Variants in SLC30A10 observed in about 807,000 individuals in gnomAD.
The protein encoded by SLC30A10 is calcium/manganese antiporter SLC30A10.
In SLC30A10, 8 loss-of-function variants were observed where a neutral mutation model predicts 21.7. That is an observed-to-expected ratio of 0.37 (90% CI 0.22 to 0.67). SLC30A10 has a LOEUF of 0.67. SLC30A10 is among the 30% of genes least tolerant of loss of function. The pLI, the probability that SLC30A10 is intolerant of heterozygous loss-of-function variation, is 0.58. For synonymous variants in SLC30A10, 272 were observed against 279.4 expected, an observed-to-expected ratio of 0.97 and a Z score of 0.26; for missense variants, 521 against 642.5, an observed-to-expected ratio of 0.81 and a Z score of 2.04.
Position 219,915,683 on chromosome 1 carries a change from G to A in SLC30A10, c.1224C>T (p.Gly408=), listed in dbSNP as rs1349393962. The change falls in exon 4 of 4, where the codon GGC becomes GGT. Residue 408 remains glycine, a synonymous_variant. Transcript: ENST00000366926. ...LLCNSPCISK[G]CAKQLCCPPG... ...GGGGACAACACAGCTGCTTAGCACA[G>A]CCCTTGGAGATGCAGGGTGAGTTGC... 5 of 1,614,140 alleles carry A rather than the reference G, an allele frequency of 3.1e-6. No individual in the cohort carries two copies. The highest frequency in any genetic ancestry group is 4.2e-6 in the Non-Finnish European group (5 of 1,180,062).
chr1:219,947,922 AC>A (rs918258604), intron 1 of SLC30A10, among the ~76,000 whole-genome samples: 96 of 152,210 alleles, frequency 6.3e-4, no homozygotes, highest in African/African-American at 2.2e-3. Context: ...GTTTCAGGAT[AC>A]AAAATCAATG....
intron 1 of SLC30A10, among the ~76,000 whole-genome samples, chr1:219,955,140 T>C (rs2102548571): frequency 6.6e-6 from 1 of 152,298 alleles, no homozygotes; most frequent in East Asian, 1.9e-4. Context: ...TCGTGACAAG[T>C]ATCTCCTGCG....
At chr1:219,944,890 G>A (rs565872404) in intron 1 of SLC30A10, among the ~76,000 whole-genome samples, 210 of 152,260 alleles carry the variant, frequency 1.4e-3, no homozygotes, top group African/African-American at 4.7e-3. Flanking sequence ...CAATAATTGC[G>A]TAAATGTAAA....
At chr1:219,956,762 T>C (rs556085377) in intron 1 of SLC30A10, among the ~76,000 whole-genome samples, 3 of 151,768 alleles carry the variant, frequency 2.0e-5, no homozygotes, top group African/African-American at 7.2e-5. Context: ...AACATACACA[T>C]TGGAAAATAC....
chr1:219,942,107 A>C (rs1256858995), intron 1 of SLC30A10, among the ~76,000 whole-genome samples: 1 of 152,274 alleles, frequency 6.6e-6, no homozygotes, highest in Non-Finnish European at 1.5e-5. Flanking sequence ...AAATTTTCCT[A>C]TAACTGTTCT....
chr1:219,913,057 C>T lies in SLC30A10; in HGVS notation c.*2392G>A, dbSNP rs1571786581. Among the ~76,000 whole-genome samples the T allele has an allele frequency of 6.6e-6, 1 of 152,200 alleles. No individual in the cohort carries two copies. Among genetic ancestry groups the T allele is most frequent in the Non-Finnish European group, 1.5e-5 (1 of 68,028 alleles). On this transcript the variant is annotated 3_prime_UTR_variant, in exon 4 of 4. Transcript: ENST00000366926. Reference sequence around the variant, plus strand: ...AGGGAAAAAGAAAACTCTTGTATTTCCTTGGGAGAATTAAAAGGCAGGACA... The same window carrying T: ...AGGGAAAAAGAAAACTCTTGTATTTTCTTGGGAGAATTAAAAGGCAGGACA...
intron 1 of SLC30A10, among the ~76,000 whole-genome samples, chr1:219,949,563 T>C (rs908442189): frequency 4.0e-5 from 6 of 151,762 alleles, no homozygotes; most frequent in Admixed American, 2.6e-4. Context: ...ACAATGAGAA[T>C]ACATGGACAC....
In SLC30A10 at chr1:219,911,152, T is replaced by TTTTTTTTG. The variant is rs1287226866; in HGVS notation, c.*4296_*4297insCAAAAAAA. ...TTTCTTCATTTTTTCTACATCAGTT[T>TTTTTTTTG]TTTTTTTTTTTTTTTTTTTTTTGCA... On this transcript the variant is annotated 3_prime_UTR_variant, in exon 4 of 4. Coordinates refer to ENST00000366926, the MANE Select transcript of SLC30A10 (RefSeq NM_018713.3). Among the ~76,000 whole-genome samples the TTTTTTTTG allele has an allele frequency of 1.0e-5, 1 of 99,742 alleles. No individual in the cohort carries two copies. Among genetic ancestry groups the TTTTTTTTG allele is most frequent in the Non-Finnish European group, 1.9e-5 (1 of 52,740 alleles). 65.4% of individuals were successfully genotyped at this position (99,742 alleles called of 152,430 possible). A position where few individuals can be genotyped will look rare whatever the true frequency, so the allele number is the denominator to read the frequency against.
intron 1 of SLC30A10, among the ~76,000 whole-genome samples, chr1:219,949,232 T>A (rs1245680085): frequency 1.3e-5 from 2 of 152,158 alleles, no homozygotes; most frequent in Non-Finnish European, 2.9e-5. Context: ...AGAAATACCA[T>A]TTGACCCAGC....
In SLC30A10 at chr1:219,913,007, C is replaced by T. The variant is rs1158357055; in HGVS notation, c.*2442G>A. The stretch of plus-strand genomic sequence containing the variant: ...TTTTAAATCTATTTATCAGCTGCTA[C>T]TGCCACCAAGCAGGGCTGATTTAAA... On this transcript the variant is annotated 3_prime_UTR_variant, in exon 4 of 4. Transcript: ENST00000366926. Among the ~76,000 whole-genome samples, 1 of 152,196 alleles carries T rather than the reference C, an allele frequency of 6.6e-6. No homozygotes were observed. The highest frequency in any genetic ancestry group is 1.9e-4 in the East Asian group (1 of 5,194).
intron 1 of SLC30A10, among the ~76,000 whole-genome samples, chr1:219,955,640 A>G (rs1462016138): frequency 6.6e-6 from 1 of 152,166 alleles, no homozygotes; most frequent in Non-Finnish European, 1.5e-5. Flanking sequence ...TATGAATTCA[A>G]TTTCTACACC....
chr1:219,927,933 G>GC lies in SLC30A10; in HGVS notation c.507dup (p.Pro170AlafsTer46). 6.5e-7 allele frequency: 1 copy of GC among 1,537,746 alleles called. No individual in the cohort carries two copies. The highest frequency in any genetic ancestry group is 8.8e-7 in the Non-Finnish European group (1 of 1,142,034). On this transcript the variant is annotated frameshift_variant, in exon 1 of 4. Transcript: ENST00000366926. LOFTEE classifies it high-confidence loss of function. Reference sequence around the variant, plus strand: ...CGCCGCGGGTCCTCCGCGCCCTGAGGCCCCCCGAAAGCGCCGGGGACACAG... The same window carrying GC: ...CGCCGCGGGTCCTCCGCGCCCTGAGGCCCCCCCGAAAGCGCCGGGGACACAG...
chr1:219,942,534 C>A (rs1210276425), intron 1 of SLC30A10, among the ~76,000 whole-genome samples: 3 of 152,210 alleles, frequency 2.0e-5, no homozygotes, highest in Admixed American at 6.5e-5. Context: ...GAAGTTGAAA[C>A]TATAATGTGG....
upstream of SLC30A10, among the ~76,000 whole-genome samples, chr1:219,933,161 A>C (rs565447368): frequency 1.3e-5 from 2 of 152,054 alleles, no homozygotes; most frequent in East Asian, 3.9e-4. Context: ...ACCTAGAACG[A>C]AGCAGCTCTA....
At chr1:219,953,557 T>G (rs1033303279) in intron 1 of SLC30A10, among the ~76,000 whole-genome samples, 1 of 151,482 alleles carries the variant, frequency 6.6e-6, no homozygotes, top group Non-Finnish European at 1.5e-5. Flanking sequence ...AGCCCGAGAC[T>G]GTGCCACTGC....
At position 219,927,152 on chromosome 1, in the gene SLC30A10, A is replaced by G. The variant is rs568087492; in HGVS notation, c.641-47T>C. The G allele has an allele frequency of 6.9e-6, 11 of 1,590,072 alleles. No individual in the cohort carries two copies. In the East Asian group the frequency reaches 2.5e-4, roughly 36 times the overall value. On this transcript the variant is annotated intron_variant, in intron 1 of 3. Transcript: ENST00000366926. ...TGTGTTGTGTATAAGTTCTACAAAC[A>G]AACAAAAAAAAACCAATGGACTCAA... is the stretch of plus-strand genomic sequence containing the variant.
upstream of SLC30A10, among the ~76,000 whole-genome samples, chr1:219,929,720 C>A (rs908855717): frequency 5.3e-5 from 8 of 152,220 alleles, no homozygotes; most frequent in South Asian, 2.1e-4. Context: ...CAGGGTTTCA[C>A]CATGTTGGCC....
chr1:219,958,890 G>A (rs376048914), upstream of SLC30A10, among the ~76,000 whole-genome samples: 124 of 152,318 alleles, frequency 8.1e-4, no homozygotes, highest in African/African-American at 2.9e-3. Flanking sequence ...GGGAAAGGAC[G>A]GCAAAAGCAT....
chr1:219,919,841 T>C (rs1404637603), intron 2 of SLC30A10, among the ~76,000 whole-genome samples: 1 of 151,770 alleles, frequency 6.6e-6, no homozygotes, highest in Non-Finnish European at 1.5e-5. Flanking sequence ...AGCACTGCTC[T>C]AGAAGAAAGC....
Sources: gnomAD v4.1 joint callset for allele counts (sites outside exome capture counted in the v4.1 genomes callset) on GRCh38, gnomAD v4.1.1 for gene constraint, MANE v1.5 for transcripts, NCBI Gene and HGNC (gene_info 2026-07-23, HGNC 2026-07-21) for gene names.